Variants in TIAM1 observed in about 807,000 individuals in gnomAD.
The protein encoded by TIAM1 is TIAM Rac1 associated GEF 1.
A neutral mutation model predicts 163.5 loss-of-function variants in TIAM1; 65 were observed. That is an observed-to-expected ratio of 0.40 (90% CI 0.33 to 0.49). The LOEUF (loss-of-function observed/expected upper bound fraction) is 0.49, where lower values mean the gene tolerates loss of function less well. Ranked by LOEUF, TIAM1 falls within the 20% of genes least tolerant of loss-of-function variation. TIAM1 has a pLI of 0.77. For synonymous variants in TIAM1, 833 were observed against 810.1 expected (o/e 1.03, Z -0.48); for missense variants, 1,789 against 2,044.7 (o/e 0.87, Z 2.41).
intron 2 of TIAM1, among the ~76,000 whole-genome samples, chr21:31,308,573 C>T (rs187528880): frequency 1.3e-5 from 2 of 152,080 alleles, no homozygotes; most frequent in African/African-American, 4.8e-5. Flanking sequence ...CTATAGTATA[C>T]TCTATAAAAG....
chr21:31,182,740 T>A, intron 14 of TIAM1, 95 bp from the exon 15 acceptor site: 7 of 1,252,700 alleles, frequency 5.6e-6, no homozygotes, highest in Non-Finnish European at 7.7e-6. Context: ...CTGCTGTGGG[T>A]CTCACAGCCC....
intron 8 of TIAM1, among the ~76,000 whole-genome samples, chr21:31,220,440 T>A (rs77476338): frequency 1.3e-5 from 2 of 152,312 alleles, no homozygotes; most frequent in East Asian, 1.9e-4. Context: ...ACGGCACATG[T>A]ATACATATGT....
At chr21:31,408,731 A>AT (rs2077291586) in intron 2 of TIAM1, among the ~76,000 whole-genome samples, 1 of 152,162 alleles carries the variant, frequency 6.6e-6, no homozygotes, top group Non-Finnish European at 1.5e-5. Flanking sequence ...GATTAGTTCT[A>AT]TTTTGAGGAC....
chr21:31,427,208 C>A (rs879601208), intron 2 of TIAM1, among the ~76,000 whole-genome samples: 1 of 152,174 alleles, frequency 6.6e-6, no homozygotes, highest in Non-Finnish European at 1.5e-5. Context: ...GGTCATCGAC[C>A]GGGCACAGTG....
intron 2 of TIAM1, among the ~76,000 whole-genome samples, chr21:31,419,311 T>A (rs1338619191): frequency 1.3e-5 from 2 of 152,220 alleles, no homozygotes; most frequent in Non-Finnish European, 2.9e-5. Flanking sequence ...ACTGGTACCA[T>A]AAGCAATAGA....
intron 2 of TIAM1, among the ~76,000 whole-genome samples, chr21:31,406,623 T>C (rs943958411): frequency 2.6e-5 from 4 of 152,190 alleles, no homozygotes; most frequent in Non-Finnish European, 4.4e-5. Context: ...ACAGCCATGA[T>C]TCTGGAAGAA....
intron 1 of TIAM1, among the ~76,000 whole-genome samples, chr21:31,554,579 T>C (rs972485882): frequency 5.9e-5 from 9 of 152,336 alleles, no homozygotes; most frequent in African/African-American, 1.9e-4. Context: ...GGGCCCATTC[T>C]GAAACTGAGA....
intron 2 of TIAM1, among the ~76,000 whole-genome samples, chr21:31,446,074 G>A (rs2147312676): frequency 6.6e-6 from 1 of 152,184 alleles, no homozygotes; most frequent in African/African-American, 2.4e-5. Flanking sequence ...CCAAGTAGCT[G>A]GCATTACAGG....
At chr21:31,182,894 C>T (rs2085102677) in intron 14 of TIAM1, among the ~76,000 whole-genome samples, 1 of 152,200 alleles carries the variant, frequency 6.6e-6, no homozygotes. Flanking sequence ...CTTACTCCTT[C>T]ATTAATTTGT....
At chr21:31,207,455 C>A (rs558737424) in intron 11 of TIAM1, among the ~76,000 whole-genome samples, 11 of 151,958 alleles carry the variant, frequency 7.2e-5, no homozygotes, top group Admixed American at 3.3e-4. Context: ...AATAATGAAA[C>A]AAAAGACAGG....
intron 6 of TIAM1, among the ~76,000 whole-genome samples, chr21:31,235,328 T>A (rs2088692087): frequency 6.6e-6 from 1 of 152,130 alleles, no homozygotes. Flanking sequence ...AGAAATAAGA[T>A]CACAGTACAC....
chr21:31,195,585 CT>C (rs2085805376), intron 12 of TIAM1, among the ~76,000 whole-genome samples: 1 of 151,998 alleles, frequency 6.6e-6, no homozygotes, highest in Admixed American at 6.6e-5. Context: ...AAAAATAATG[CT>C]AAAGTAATGG....
At chr21:31,149,563 T>TC (rs1352092289) in intron 19 of TIAM1, among the ~76,000 whole-genome samples, 313 of 152,330 alleles carry the variant, frequency 2.1e-3, no homozygotes, top group African/African-American at 7.2e-3. Context: ...TTTTTGTGAA[T>TC]CTTTTTAGTG....
chr21:31,269,206 T>C (rs1322465349), intron 3 of TIAM1, among the ~76,000 whole-genome samples: 2 of 152,212 alleles, frequency 1.3e-5, no homozygotes, highest in Non-Finnish European at 2.9e-5. Flanking sequence ...CTGAAGGAAA[T>C]GGCCCCAACC....
intron 15 of TIAM1, among the ~76,000 whole-genome samples, chr21:31,175,713 C>T (rs1273871962): frequency 6.6e-6 from 1 of 152,090 alleles, no homozygotes; most frequent in Non-Finnish European, 1.5e-5. Context: ...AGTCTCCTGC[C>T]TCAGCCTCCC....
intron 1 of TIAM1, among the ~76,000 whole-genome samples, chr21:31,477,863 G>C (rs1267650440): frequency 6.6e-6 from 1 of 152,214 alleles, no homozygotes; most frequent in Non-Finnish European, 1.5e-5. Context: ...AGCAAGTGAA[G>C]TCTAATGACT....
intron 2 of TIAM1, among the ~76,000 whole-genome samples, chr21:31,424,667 T>C (rs865888046): frequency 1.3e-5 from 2 of 152,208 alleles, no homozygotes; most frequent in African/African-American, 2.4e-5. Flanking sequence ...TGATTATTTA[T>C]TAAACACAGA....
intron 1 of TIAM1, among the ~76,000 whole-genome samples, chr21:31,542,375 C>T (rs776180004): frequency 6.6e-5 from 10 of 151,556 alleles, no homozygotes; most frequent in South Asian, 2.1e-4. Context: ...TACAGTGAGC[C>T]GAGACCGCGC....
At chr21:31,406,717 T>C (rs1365441749) in intron 2 of TIAM1, among the ~76,000 whole-genome samples, 1 of 152,140 alleles carries the variant, frequency 6.6e-6, no homozygotes, top group Non-Finnish European at 1.5e-5. Flanking sequence ...GCCCTGTAGG[T>C]AGAACTTACG....
Sources: gnomAD v4.1 joint callset for allele counts (sites outside exome capture counted in the v4.1 genomes callset) on GRCh38, gnomAD v4.1.1 for gene constraint, MANE v1.5 for transcripts, NCBI Gene and HGNC (gene_info 2026-07-23, HGNC 2026-07-21) for gene names.